The following VMA12 variants were observed in gnomAD, a reference collection of about 807,000 sequenced individuals.
VMA12 encodes the protein vacuolar ATPase assembly protein VMA12.
chr17:28,359,011 G>A, the VMA12 span: 2 of 1,589,938 alleles, frequency 1.3e-6, no homozygotes, highest in Non-Finnish European at 1.7e-6. Flanking sequence ...ATATGTTTGT[G>A]AGAGTGGTTA....
the VMA12 span, chr17:28,359,034 G>A: frequency 6.6e-7 from 1 of 1,519,936 alleles, no homozygotes; most frequent in Non-Finnish European, 9.0e-7. Context: ...GACTGAGTTG[G>A]GCTTATCCAT....
the VMA12 span, chr17:28,363,210 T>A: frequency 2.6e-5 from 4 of 151,932 alleles, no homozygotes; most frequent in African/African-American, 4.8e-5. Context: ...AACACCATGG[T>A]TTTCTCTCCA....
the VMA12 span, chr17:28,361,349 A>G: frequency 4.3e-6 from 5 of 1,173,316 alleles, no homozygotes; most frequent in Non-Finnish European, 6.3e-6. Context: ...TTTTGTATTC[A>G]GCTCCAGTTA....
At chr17:28,359,326 A>T in the VMA12 span, 1 of 1,614,096 alleles carries the variant, frequency 6.2e-7, no homozygotes, top group Non-Finnish European at 8.5e-7. Flanking sequence ...ACCCAGAACT[A>T]GTTGCCCGGC....
the VMA12 span, chr17:28,363,060 C>T: frequency 6.6e-6 from 1 of 152,142 alleles, no homozygotes. Flanking sequence ...TGTTACACAC[C>T]ATGTAAAGCC....
At chr17:28,357,647 A>G in the VMA12 span, 1 of 1,609,628 alleles carries the variant, frequency 6.2e-7, no homozygotes, top group Non-Finnish European at 8.5e-7. Flanking sequence ...GGTTGGGGTC[A>G]CCTGACCGGA....
the VMA12 span, chr17:28,359,161 A>C: frequency 1.0e-6 from 1 of 959,078 alleles, no homozygotes; most frequent in Non-Finnish European, 1.5e-6. Flanking sequence ...TTGAGATCAA[A>C]AAAAAAAAAA....
chr17:28,360,823 A>G, the VMA12 span: 4 of 1,613,952 alleles, frequency 2.5e-6, no homozygotes, highest in Non-Finnish European at 3.4e-6. Context: ...TTGGAAGCCA[A>G]TATATCTTCA....
chr17:28,359,052 T>C, the VMA12 span: 17 of 1,421,750 alleles, frequency 1.2e-5, no homozygotes, highest in Non-Finnish European at 1.6e-5. Flanking sequence ...CATGATACAC[T>C]GAACTTATAA....
the VMA12 span, among the ~76,000 whole-genome samples, chr17:28,359,973 C>A: frequency 6.9e-6 from 1 of 145,480 alleles, no homozygotes; most frequent in Non-Finnish European, 1.5e-5. Context: ...TTTTCTTCTT[C>A]TTTTTTTTTT....
At chr17:28,358,012 C>G in the VMA12 span, 1 of 905,828 alleles carries the variant, frequency 1.1e-6, no homozygotes, top group Non-Finnish European at 1.6e-6. Context: ...TCCATAAATC[C>G]CAGGGCCACC....
the VMA12 span, chr17:28,363,611 G>A: frequency 1.3e-5 from 2 of 152,230 alleles, no homozygotes; most frequent in Non-Finnish European, 2.9e-5. Context: ...AGATCTGTCA[G>A]GTTGTCTCCA....
At chr17:28,358,355 A>T in the VMA12 span, 2 of 469,480 alleles carry the variant, frequency 4.3e-6, 1 homozygote, top group South Asian at 3.1e-5. Flanking sequence ...TGAGAGTAGC[A>T]TGTGAGTTCC....
chr17:28,357,975 C>T, the VMA12 span: 2 of 1,346,282 alleles, frequency 1.5e-6, no homozygotes, highest in East Asian at 4.9e-5. Flanking sequence ...TTCTACGGAG[C>T]ACTCATCTAG....
chr17:28,358,932 C>G, the VMA12 span: 2 of 1,611,772 alleles, frequency 1.2e-6, no homozygotes, highest in Non-Finnish European at 1.7e-6. Flanking sequence ...AACTATACCT[C>G]CATGAGCTCC....
At chr17:28,361,033 C>A in the VMA12 span, 21 of 1,006,614 alleles carry the variant, frequency 2.1e-5, no homozygotes, top group African/African-American at 3.4e-4. Flanking sequence ...AAGCCACATT[C>A]TCTTTTCTTC....
the VMA12 span, chr17:28,363,301 C>G: frequency 6.6e-6 from 1 of 152,106 alleles, no homozygotes; most frequent in Non-Finnish European, 1.5e-5. Context: ...CTAGCAGAGG[C>G]TCTCATCTCC....
chr17:28,360,679 G>T, the VMA12 span: 1 of 1,604,640 alleles, frequency 6.2e-7, no homozygotes, highest in Non-Finnish European at 8.5e-7. Flanking sequence ...CATGAGATAA[G>T]AGCACCTCCT....
the VMA12 span, chr17:28,359,120 A>G: frequency 3.0e-6 from 3 of 992,988 alleles, no homozygotes; most frequent in African/African-American, 5.0e-5. Context: ...GGGGAGCCAG[A>G]TATTGTCCTC....
Sources: allele counts gnomAD v4.1 joint callset (sites outside exome capture counted in the v4.1 genomes callset), GRCh38; gene constraint gnomAD v4.1.1; transcripts MANE v1.5; gene names NCBI Gene and HGNC (gene_info 2026-07-23, HGNC 2026-07-21).